The following SRSF11 variants were observed in gnomAD, a reference collection of about 807,000 sequenced individuals.
The protein encoded by SRSF11 is serine and arginine rich splicing factor 11, also known as serine/arginine-rich splicing factor 11.
A neutral mutation model predicts 56.0 loss-of-function variants in SRSF11; 9 were observed. The ratio of observed to expected loss-of-function variants is 0.16; its 90% confidence interval spans 0.10 to 0.28. SRSF11 has a LOEUF of 0.28. Ranked by LOEUF, SRSF11 falls within the 10% of genes least tolerant of loss-of-function variation. SRSF11 has a pLI of 1.00. For synonymous variants in SRSF11, 222 were observed against 215.3 expected, an observed-to-expected ratio of 1.03 and a Z score of -0.27; for missense variants, 421 against 600.7, an observed-to-expected ratio of 0.70 and a Z score of 3.13.
intron 1 of SRSF11, among the ~76,000 whole-genome samples, chr1:70,225,978 G>T (rs917333275): frequency 6.6e-6 from 1 of 152,122 alleles, no homozygotes; most frequent in East Asian, 1.9e-4. Flanking sequence ...ATCACCTGAG[G>T]TCAGGAGTTC....
chr1:70,231,549 A>C (rs1672846204), intron 2 of SRSF11: 4 of 1,078,872 alleles, frequency 3.7e-6, no homozygotes, highest in Non-Finnish European at 4.5e-6. Context: ...GCGAAACATA[A>C]AGCATTTTAC....
chr1:70,234,653 A>T, intron 3 of SRSF11, 43 bp from the exon 4 acceptor site: 3 of 1,506,020 alleles, frequency 2.0e-6, no homozygotes, highest in Non-Finnish European at 2.7e-6. Context: ...GGTATAAGGA[A>T]CTGAAATGAA....
At chr1:70,233,213 T>A (rs1673202768) in intron 3 of SRSF11, among the ~76,000 whole-genome samples, 1 of 151,906 alleles carries the variant, frequency 6.6e-6, no homozygotes, top group African/African-American at 2.4e-5. Flanking sequence ...CTGTTTTGTT[T>A]TGTTTTTTTT....
chr1:70,250,425 A>C lies in SRSF11; in HGVS notation c.1179A>C (p.Arg393=), dbSNP rs1677740677. Residue 393 remains arginine, a synonymous_variant, in exon 11 of 12, where the codon CGA becomes CGC. Transcript: ENST00000370949. The part of the protein sequence containing the change: ...DKERSRDERE[R]STSKKKKSKD... ...AAAGAAGTAGGGATGAAAGAGAACG[A>C]TCAACAAGCAAGAAGAAGAAGAGTA... 2 of 1,595,380 alleles carry C rather than the reference A, an allele frequency of 1.3e-6. No individual in the cohort carries two copies. Among genetic ancestry groups the C allele is most frequent in the Non-Finnish European group, 1.7e-6 (2 of 1,163,110 alleles).
rs369925015 is a variant in SRSF11 at position 70,213,454 on chromosome 1, C to CT, written c.-26+7675dup. Among the ~76,000 whole-genome samples, 582 of 152,254 alleles carry CT rather than the reference C, an allele frequency of 3.8e-3. 2 individuals carry two copies. The highest frequency in any genetic ancestry group is 0.013 in the African/African-American group (561 of 41,556). Reference sequence around the variant, plus strand: ...AAATAAGCTGTTCTCACTGTGTAAACTAACTCTTCTGAGATATATCTTTCA... The same window carrying CT: ...AAATAAGCTGTTCTCACTGTGTAAACTTAACTCTTCTGAGATATATCTTTCA... On this transcript the variant is annotated intron_variant, in intron 1 of 12. Coordinates refer to the SRSF11 transcript ENST00000370950.
chr1:70,235,375 A>T, intron 4 of SRSF11, 126 bp from the exon 5 acceptor site: 1 of 740,332 alleles, frequency 1.4e-6, no homozygotes. Context: ...TAATGTGGCT[A>T]CTAAAAAATT....
intron 9 of SRSF11, chr1:70,249,213 AATTTC>A (rs1478026487): frequency 1.3e-5 from 2 of 152,160 alleles, no homozygotes; most frequent in Non-Finnish European, 2.9e-5. Flanking sequence ...TAGTTCTCTG[AATTTC>A]ATCTAATGAT....
intron 1 of SRSF11, among the ~76,000 whole-genome samples, chr1:70,213,827 C>T (rs932833404): frequency 2.8e-4 from 43 of 152,196 alleles, no homozygotes; most frequent in Admixed American, 2.0e-3. Flanking sequence ...ACACAATTAT[C>T]TTAATTGGTA....
chr1:70,211,794 T>G (rs1558141239), intron 1 of SRSF11, among the ~76,000 whole-genome samples: 1 of 152,226 alleles, frequency 6.6e-6, no homozygotes, highest in Non-Finnish European at 1.5e-5. Flanking sequence ...GTACCTATGA[T>G]GCAAATCTGT....
chr1:70,232,249 C>T lies in SRSF11; in HGVS notation c.338-19C>T. ...TCTTAGAAAAGAATGTGTTCTAATG[C>T]AAGGATGTTTCTCTGCAGGAGTTAT... is the stretch of plus-strand genomic sequence containing the variant. On this transcript the variant is annotated intron_variant, in intron 2 of 11. Transcript: ENST00000370949. 6.2e-7 allele frequency: 1 copy of T among 1,614,132 alleles called. No homozygotes were observed. Among genetic ancestry groups the T allele is most frequent in the Non-Finnish European group, 8.5e-7 (1 of 1,180,014 alleles).
chr1:70,250,711 A>T lies in SRSF11; in HGVS notation c.1361A>T (p.Glu454Val). 1 of 1,614,064 alleles carries T rather than the reference A, an allele frequency of 6.2e-7. No homozygotes were observed. The highest frequency in any genetic ancestry group is 8.5e-7 in the Non-Finnish European group (1 of 1,179,964). The change falls in exon 12 of 12, where the codon GAA becomes GTA. Residue 454 changes from glutamate (E) to valine (V), a missense_variant. Transcript: ENST00000370949. ...PIETGSPKTKECSVEKGTGDS... is the reference protein window; with the variant it reads ...PIETGSPKTKVCSVEKGTGDS... ...GAAACAGGTTCCCCTAAAACAAAGG[A>T]ATGTTCTGTGGAAAAGGGAACTGGT...
chr1:70,231,945 G>A (rs922146458), intron 2 of SRSF11: 4 of 1,531,310 alleles, frequency 2.6e-6, no homozygotes, highest in Non-Finnish European at 3.5e-6. Context: ...GCTTGCTTAC[G>A]TTTGGTTCAT....
At chr1:70,229,975 T>C in intron 2 of SRSF11, 1 of 985,278 alleles carries the variant, frequency 1.0e-6, no homozygotes. Flanking sequence ...GATAAGACCA[T>C]CAACAGAAAA....
intron 3 of SRSF11, among the ~76,000 whole-genome samples, chr1:70,233,944 C>T (rs1478635356): frequency 1.3e-5 from 2 of 152,184 alleles, no homozygotes; most frequent in Non-Finnish European, 2.9e-5. Flanking sequence ...TAAGAAACAA[C>T]CACTACCTCT....
intron 3 of SRSF11, among the ~76,000 whole-genome samples, chr1:70,234,494 A>G (rs1673520070): frequency 6.6e-6 from 1 of 152,146 alleles, no homozygotes. Flanking sequence ...GACCACAGCC[A>G]TTTGTTTAGG....
chr1:70,234,367 T>G (rs1024994933), intron 3 of SRSF11, among the ~76,000 whole-genome samples: 3 of 152,224 alleles, frequency 2.0e-5, no homozygotes, highest in Non-Finnish European at 4.4e-5. Flanking sequence ...AAGAATATGT[T>G]GAAATATTTT....
chr1:70,235,228 A>C (rs2100793769), intron 4 of SRSF11, among the ~76,000 whole-genome samples: 1 of 152,304 alleles, frequency 6.6e-6, no homozygotes, highest in South Asian at 2.1e-4. Context: ...AGGAGACATA[A>C]TTCTATAATA....
chr1:70,206,889 C>CTTTTTTTTT (rs755835751), intron 1 of SRSF11, among the ~76,000 whole-genome samples: 1 of 119,006 alleles, frequency 8.4e-6, no homozygotes, highest in Non-Finnish European at 1.8e-5. Context: ...GGATTTTTGT[C>CTTTTTTTTT]TTTTTTTTTT....
rs575619372 is a variant in SRSF11 at position 70,231,199 on chromosome 1, A to C, written c.338-1069A>C. On this transcript the variant is annotated intron_variant, in intron 2 of 11. Transcript: ENST00000370949. ...CCAGTTTCTCTTAAGTGCCCTGTAC[A>C]TATTGTATGTTTTATGATGAGATGC... 46 of 1,257,198 alleles carry C rather than the reference A, an allele frequency of 3.7e-5. No homozygotes were observed. In the South Asian group the frequency reaches 5.9e-4, roughly 16 times the overall value. The allele number at this position is 1,257,198 out of a possible 1,614,324, so 77.9% of individuals were successfully genotyped here. A position where few individuals can be genotyped will look rare whatever the true frequency, so the allele number is the denominator to read the frequency against.
Sources: allele counts gnomAD v4.1 joint callset (sites outside exome capture counted in the v4.1 genomes callset), GRCh38; gene constraint gnomAD v4.1.1; transcripts MANE v1.5; gene names NCBI Gene and HGNC (gene_info 2026-07-23, HGNC 2026-07-21).